CD27: variants seen among roughly 807,000 people sequenced by gnomAD.
The protein encoded by CD27 is CD27 antigen.
CD27 carries 16 observed loss-of-function variants against 25.9 expected under a neutral mutation model. The ratio of observed to expected loss-of-function variants is 0.62; its 90% CI spans 0.42 to 0.94. CD27 has a LOEUF of 0.94. Ranked by LOEUF, CD27 falls within the 40% of genes least tolerant of loss-of-function variation. The pLI, the probability that CD27 is intolerant of heterozygous loss-of-function variation, is 0.00. For missense variants in CD27, 300 were observed against 333.2 expected, an observed-to-expected ratio of 0.90 and a Z score of 0.78; for synonymous variants, 142 against 124.3, an observed-to-expected ratio of 1.14 and a Z score of -0.95.
chr12:6,449,166 T>C (rs555283000), intron 2 of CD27, among the ~76,000 whole-genome samples: 62 of 151,816 alleles, frequency 4.1e-4, no homozygotes, highest in African/African-American at 1.5e-3. Context: ...CCAGCTAATT[T>C]TTGTATTTTT....
At position 6,450,782 on chromosome 12, in the gene CD27, G is replaced by A. The variant is rs1949524899; in HGVS notation, c.539-113G>A. On this transcript the variant is annotated intron_variant, in intron 4 of 5. Transcript: ENST00000266557. This position sits in a 1 kb window ranked among gnomAD's most constrained non-coding sequence, Gnocchi z 4.1. The stretch of plus-strand genomic sequence containing the variant: ...GAGAGGAGTTGGCCAACGGTGGCGG[G>A]TGGGATAGAATAAGGTGGGGGAAAG... 1.0e-5 allele frequency: 15 copies of A among 1,505,072 alleles called. No homozygotes were observed. The South Asian group carries it at 1.4e-4, about 14-fold the overall frequency. 93.2% of individuals were successfully genotyped at this position (1,505,072 alleles called of 1,614,324 possible). A position where few individuals can be genotyped will look rare whatever the true frequency, so the allele number is the denominator to read the frequency against.
Position 6,450,753 on chromosome 12 carries a change from T to TA in CD27, c.538+123_538+124insA. The TA allele has an allele frequency of 7.0e-7, 1 of 1,420,306 alleles. No homozygotes were observed. Among genetic ancestry groups the TA allele is most frequent in the Non-Finnish European group, 9.8e-7 (1 of 1,021,204 alleles). The allele number at this position is 1,420,306 out of a possible 1,614,324, so 88.0% of individuals were successfully genotyped here. ...GAGGGGAAAAAGCAGAGTCCACTGT[T>TA]TAGGAGAGGAGTTGGCCAACGGTGG... On this transcript the variant is annotated intron_variant, in intron 4 of 5. Coordinates refer to ENST00000266557, the MANE Select transcript of CD27 (RefSeq NM_001242.5). This position sits in a 1 kb window ranked among gnomAD's most constrained non-coding sequence, Gnocchi z 4.1.
chr12:6,447,800 C>T (rs1041703263), intron 2 of CD27: 7 of 151,400 alleles, frequency 4.6e-5, no homozygotes, highest in African/African-American at 1.7e-4. Flanking sequence ...CACCCCACGA[C>T]AGGCCCCAGT....
chr12:6,451,452 C>T lies in CD27; in HGVS notation c.*60C>T. On this transcript the variant is annotated 3_prime_UTR_variant, in exon 6 of 6. Coordinates refer to ENST00000266557, the MANE Select transcript of CD27 (RefSeq NM_001242.5). The stretch of plus-strand genomic sequence containing the variant: ...CCTCCACCCCCACCCCGCCGACCAT[C>T]CAAGGGAGAGTGAGACCTGGCAGCC... 3 of 1,544,766 alleles carry T rather than the reference C, an allele frequency of 1.9e-6. No individual in the cohort carries two copies. Among genetic ancestry groups the T allele is most frequent in the Non-Finnish European group, 2.6e-6 (3 of 1,138,514 alleles).
At chr12:6,444,937 C>T, upstream of CD27, 2 of 719,764 alleles carry the variant, frequency 2.8e-6, no homozygotes, top group Non-Finnish European at 4.4e-6. Context: ...AAAAAAACAG[C>T]CACAATAGAG....
Position 6,450,964 on chromosome 12 carries a change from T to C in CD27, c.608T>C (p.Phe203Ser). The C allele has an allele frequency of 6.2e-7, 1 of 1,614,152 alleles. No individual in the cohort carries two copies. Among genetic ancestry groups the C allele is most frequent in the South Asian group, 1.1e-5 (1 of 91,086 alleles). Residue 203 changes from phenylalanine (F) to serine (S), a missense_variant, in exon 5 of 6, where the codon TTC becomes TCC. By Grantham distance (155) the Phe-to-Ser change is radical (BLOSUM62 -2). Transcript: ENST00000266557. This position sits in a 1 kb window ranked among gnomAD's most constrained non-coding sequence, Gnocchi z 4.1. ...ATCTTCTCTGGAATGTTCCTTGTTT[T>C]CACCCTGGCCGGGGCCCTGTTCCTC... The part of the protein sequence containing the change: ...LVIFSGMFLV[F>S]TLAGALFLHQ...
upstream of CD27, among the ~76,000 whole-genome samples, chr12:6,444,380 T>G (rs1463309487): frequency 6.6e-6 from 1 of 152,130 alleles, no homozygotes; most frequent in African/African-American, 2.4e-5. Context: ...TTCCTCCCAG[T>G]TGGTGTAAAT....
intron 2 of CD27, among the ~76,000 whole-genome samples, chr12:6,448,418 C>G (rs977514416): frequency 3.3e-5 from 5 of 152,130 alleles, no homozygotes; most frequent in Non-Finnish European, 7.4e-5. Context: ...CCTACCACAC[C>G]CGCCCCCAGG....
chr12:6,449,318 T>TTC (rs775791050), intron 2 of CD27, among the ~76,000 whole-genome samples: 3,115 of 145,604 alleles, frequency 0.021, 125 homozygotes, highest in African/African-American at 0.074. Flanking sequence ...TTCTTTTCTT[T>TTC]TTTTTTTTTT....
rs1949551874 is a variant in CD27 at position 6,451,686 on chromosome 12, G to C, written c.*294G>C. The C allele has an allele frequency of 2.8e-6, 1 of 362,908 alleles. No individual in the cohort carries two copies. The highest frequency in any genetic ancestry group is 5.0e-6 in the Non-Finnish European group (1 of 198,830). The allele number at this position is 362,908 out of a possible 1,614,324, so 22.5% of individuals were successfully genotyped here. A position where few individuals can be genotyped will look rare whatever the true frequency, so the allele number is the denominator to read the frequency against. On this transcript the variant is annotated 3_prime_UTR_variant, in exon 6 of 6. Transcript: ENST00000266557. ...GCGAAAGACCCACATGCTACAAGAC[G>C]GGCAAAATAAAGTGACAGATGACCA... is the stretch of plus-strand genomic sequence containing the variant.
In CD27 at chr12:6,445,274, G is replaced by A. The variant is rs1311671195; in HGVS notation, c.136+43G>A. The A allele has an allele frequency of 3.1e-6, 5 of 1,612,294 alleles. No homozygotes were observed. In the African/African-American group the frequency reaches 5.3e-5, roughly 17 times the overall value. Reference sequence around the variant, plus strand: ...TAAGGGCCAGGTGAGTGGCGAAAGAGAGAGGACTGGGGTTAATACAGTAAA... The same window carrying A: ...TAAGGGCCAGGTGAGTGGCGAAAGAAAGAGGACTGGGGTTAATACAGTAAA... On this transcript the variant is annotated intron_variant, in intron 1 of 5. Transcript: ENST00000266557. The surrounding 1 kb of genome is among the most constrained non-coding windows in gnomAD (Gnocchi z 4.5).
At chr12:6,447,723 T>C (rs529313270) in intron 2 of CD27, 1 of 152,296 alleles carries the variant, frequency 6.6e-6, no homozygotes, top group African/African-American at 2.4e-5. Flanking sequence ...CATGTTGGTG[T>C]GCTGCACCCA....
rs146916740 is a variant in CD27, at chr12:6,450,582, G to C, written c.490G>C (p.Ala164Pro). ...ARTAGHMQTL[A>P]DFRQLPARTL... ...GACAGCTGGGCACATGCAGACTCTGGCTGACTTCAGGCAGCTGCCTGCCCG... is the reference window on the plus strand; with the variant it reads ...GACAGCTGGGCACATGCAGACTCTGCCTGACTTCAGGCAGCTGCCTGCCCG... The change falls in exon 4 of 6, where the codon GCT becomes CCT. Residue 164 changes from alanine to proline, a missense_variant. Transcript: ENST00000266557. The surrounding 1 kb of genome is among the most constrained non-coding windows in gnomAD (Gnocchi z 4.1). 65 of 1,613,250 alleles carry C rather than the reference G, an allele frequency of 4.0e-5. No homozygotes were observed. The African/African-American group carries it at 8.0e-4, about 20-fold the overall frequency.
At position 6,450,422 on chromosome 12, in the gene CD27, C is replaced by T; in HGVS notation, c.448+70C>T. The T allele has an allele frequency of 1.9e-6, 3 of 1,539,010 alleles. No individual in the cohort carries two copies. Among genetic ancestry groups the T allele is most frequent in the Non-Finnish European group, 2.7e-6 (3 of 1,123,934 alleles). On this transcript the variant is annotated intron_variant, in intron 3 of 5. Transcript: ENST00000266557. This position sits in a 1 kb window ranked among gnomAD's most constrained non-coding sequence, Gnocchi z 4.1. Reference sequence around the variant, plus strand: ...GATACCCCAACCAGTACTCCCCACTCCTACCCCTAGATAAGGTCAGCCTGT... The same window carrying T: ...GATACCCCAACCAGTACTCCCCACTTCTACCCCTAGATAAGGTCAGCCTGT...
Position 6,445,389 on chromosome 12 carries a change from T to C in CD27, c.137-35T>C. 1 of 1,613,180 alleles carries C rather than the reference T, an allele frequency of 6.2e-7. No individual in the cohort carries two copies. ...CTTGAAGAGGGCAGAGAACCAGCCC[T>C]TCTCAGGCCTTGATCCCTTACCCTC... is the stretch of plus-strand genomic sequence containing the variant. On this transcript the variant is annotated intron_variant, in intron 1 of 5. Transcript: ENST00000266557. This position sits in a 1 kb window ranked among gnomAD's most constrained non-coding sequence, Gnocchi z 4.5.
chr12:6,449,315 CTT>C (rs549905322), intron 2 of CD27, among the ~76,000 whole-genome samples: 3 of 123,714 alleles, frequency 2.4e-5, no homozygotes, highest in Admixed American at 8.7e-5. Context: ...TCTTTCTTTT[CTT>C]TTTTTTTTTT....
In CD27 at chr12:6,450,078, G is replaced by A. The variant is rs891483173; in HGVS notation, c.269-95G>A. The A allele has an allele frequency of 1.8e-6, 2 of 1,114,984 alleles. No individual in the cohort carries two copies. Among genetic ancestry groups the A allele is most frequent in the South Asian group, 2.9e-5 (2 of 69,294 alleles). 69.1% of individuals were successfully genotyped at this position (1,114,984 alleles called of 1,614,324 possible). ...GAAAGGGAAGCACGTCCCTAGAGGT[G>A]GGCCTGGGATGGGGGTTGGGGGATG... On this transcript the variant is annotated intron_variant, in intron 2 of 5. Coordinates refer to ENST00000266557, the MANE Select transcript of CD27 (RefSeq NM_001242.5). The surrounding 1 kb of genome is among the most constrained non-coding windows in gnomAD (Gnocchi z 4.1).
Position 6,445,361 on chromosome 12 carries a change from C to A in CD27, c.137-63C>A. 6.2e-7 allele frequency: 1 copy of A among 1,609,508 alleles called. No individual in the cohort carries two copies. Among genetic ancestry groups the A allele is most frequent in the East Asian group, 2.2e-5 (1 of 44,826 alleles). On this transcript the variant is annotated intron_variant, in intron 1 of 5. Coordinates refer to ENST00000266557, the MANE Select transcript of CD27 (RefSeq NM_001242.5). This position sits in a 1 kb window ranked among gnomAD's most constrained non-coding sequence, Gnocchi z 4.5. ...AAATCCTGCAGCTGTGGGGAGGCAC[C>A]ACCTTGAAGAGGGCAGAGAACCAGC...
intron 2 of CD27, chr12:6,447,619 T>G (rs544879540): frequency 6.6e-6 from 1 of 152,032 alleles, no homozygotes; most frequent in Non-Finnish European, 1.5e-5. Context: ...CACCTCATTG[T>G]TTTTGTTTTG....
Sources: allele counts gnomAD v4.1 joint callset (sites outside exome capture counted in the v4.1 genomes callset), GRCh38; gene constraint gnomAD v4.1.1; non-coding constraint Gnocchi (gnomAD v3.1); transcripts MANE v1.5; gene names NCBI Gene and HGNC (gene_info 2026-07-23, HGNC 2026-07-21).